Variants in SPHK2 observed in about 807,000 individuals in gnomAD.
SPHK2 encodes sphingosine kinase 2.
A neutral mutation model predicts 32.3 loss-of-function variants in SPHK2; 18 were observed. The ratio of observed to expected loss-of-function variants is 0.56; its 90% CI spans 0.39 to 0.83. The LOEUF (loss-of-function observed/expected upper bound fraction) is 0.83. Ranked by LOEUF, SPHK2 falls within the 40% of genes least tolerant of loss-of-function variation. The probability of loss-of-function intolerance (pLI) is 0.00; values close to 1 mark genes in which losing one functional copy is unlikely to be tolerated. For missense variants in SPHK2, 850 were observed against 908.7 expected (o/e 0.94, Z 0.83); for synonymous variants, 462 against 417.6 (o/e 1.11, Z -1.30).
At chr19:48,625,009 G>C in intron 2 of SPHK2, 4 of 987,924 alleles carry the variant, frequency 4.0e-6, no homozygotes, top group Non-Finnish European at 4.8e-6. Context: ...CAGGGAGAGG[G>C]CCTGTGGGGA....
chr19:48,620,309 G>C, intron 1 of SPHK2, 93 bp from the exon 2 acceptor site: 1 of 527,128 alleles, frequency 1.9e-6, no homozygotes, highest in Non-Finnish European at 3.4e-6. Context: ...CGCCAGGGAG[G>C]CCCCTGCCTC....
In SPHK2 at chr19:48,629,318, CCT is replaced by C. The variant is rs1435770206; in HGVS notation, c.1511_1512del (p.Pro504ArgfsTer48). The part of the protein sequence containing the change: ...PPSSGLPLPT[P>X]DARVGASTCG... ...ATCCTCTGGGCTCCCACTTCCCACC[CCT>C]GATGCCCGGGTAGGGGCCTCCACCT... On this transcript the variant is annotated frameshift_variant, in exon 7 of 7. Coordinates refer to ENST00000245222, the MANE Select transcript of SPHK2 (RefSeq NM_020126.5). LOFTEE classifies it low-confidence loss of function (END_TRUNC). 1 of 1,613,326 alleles carries C rather than the reference CCT, an allele frequency of 6.2e-7. No homozygotes were observed. Among genetic ancestry groups the C allele is most frequent in the Non-Finnish European group, 8.5e-7 (1 of 1,179,964 alleles).
chr19:48,630,290 CG>C lies in SPHK2; in HGVS notation c.*520del, dbSNP rs939766833. The C allele has an allele frequency of 2.5e-5, 32 of 1,287,118 alleles. No homozygotes were observed. The highest frequency in any genetic ancestry group is 2.3e-4 in the Admixed American group (6 of 26,498). 79.7% of individuals were successfully genotyped at this position (1,287,118 alleles called of 1,614,324 possible). A position where few individuals can be genotyped will look rare whatever the true frequency, so the allele number is the denominator to read the frequency against. ...ATTTGCACTAATGTTCCTCTCCCCG[CG>C]GGTGGGGGCGGGGAAATTCATATCC... On this transcript the variant is annotated 3_prime_UTR_variant, in exon 7 of 7. Coordinates refer to ENST00000245222, the MANE Select transcript of SPHK2 (RefSeq NM_020126.5). This position sits in a 1 kb window ranked among gnomAD's most constrained non-coding sequence, Gnocchi z 4.9.
rs993584947 is a variant in SPHK2 at position 48,628,299 on chromosome 19, G to C, written c.872+22G>C. On this transcript the variant is annotated intron_variant, in intron 6 of 6. Coordinates refer to ENST00000245222, the MANE Select transcript of SPHK2 (RefSeq NM_020126.5). The surrounding 1 kb of genome is among the most constrained non-coding windows in gnomAD (Gnocchi z 5.2). Reference sequence around the variant, plus strand: ...GGGGGTAGGTTGAGGATACCACGAAGGGAGGGATGAGCCCCTCCTGGGGTG... The same window carrying C: ...GGGGGTAGGTTGAGGATACCACGAACGGAGGGATGAGCCCCTCCTGGGGTG... 4.4e-6 allele frequency: 7 copies of C among 1,604,542 alleles called. No individual in the cohort carries two copies. The highest frequency in any genetic ancestry group is 6.0e-6 in the Non-Finnish European group (7 of 1,172,986).
intron 1 of SPHK2, 107 bp from the exon 2 acceptor site, chr19:48,620,295 C>G (rs1175328747): frequency 3.8e-6 from 2 of 524,436 alleles, no homozygotes; most frequent in South Asian, 2.8e-5. Flanking sequence ...CTCTTCCCCC[C>G]ACCCGCCAGG....
rs1568433251 is a variant in SPHK2 at position 48,628,054 on chromosome 19, CG to C, written c.744del (p.Leu249CysfsTer6). The C allele has an allele frequency of 6.3e-7, 1 of 1,591,422 alleles. No homozygotes were observed. The highest frequency in any genetic ancestry group is 1.7e-5 in the Admixed American group (1 of 58,112). On this transcript the variant is annotated frameshift_variant, in exon 5 of 7. Transcript: ENST00000245222. LOFTEE classifies it high-confidence loss of function. The surrounding 1 kb of genome is among the most constrained non-coding windows in gnomAD (Gnocchi z 5.2). ...ATGGCATCGTCACGGTCTCGGGAGACGGGCTGCTCCATGAGGTAGAGCAGGA... is the reference window on the plus strand; with the variant it reads ...ATGGCATCGTCACGGTCTCGGGAGACGGCTGCTCCATGAGGTAGAGCAGGA... ...WDGIVTVSGDGLLHEVLNGLL... is the reference protein window; with the variant it reads ...WDGIVTVSGDXLLHEVLNGLL...
rs2030446139 is a variant in SPHK2 at position 48,629,900 on chromosome 19, C to T, written c.*127C>T. ...GGGCCCTGGCCCCGTCTCAGGATTG[C>T]GCTCGCTTTCATGGGACCAGACGTG... On this transcript the variant is annotated 3_prime_UTR_variant, in exon 7 of 7. Transcript: ENST00000245222. The T allele has an allele frequency of 7.0e-7, 1 of 1,438,552 alleles. No homozygotes were observed. The allele number at this position is 1,438,552 out of a possible 1,614,324, so 89.1% of individuals were successfully genotyped here. A position where few individuals can be genotyped will look rare whatever the true frequency, so the allele number is the denominator to read the frequency against.
Position 48,628,355 on chromosome 19 carries a change from A to T in SPHK2, c.872+78A>T. On this transcript the variant is annotated intron_variant, in intron 6 of 6. Coordinates refer to ENST00000245222, the MANE Select transcript of SPHK2 (RefSeq NM_020126.5). The surrounding 1 kb of genome is among the most constrained non-coding windows in gnomAD (Gnocchi z 5.2). ...GACCCCTATATCTCCCACTCAGCCA[A>T]ACCCACAGTCAGTCAAGTAAATCAG... 7.4e-7 allele frequency: 1 copy of T among 1,352,864 alleles called. No individual in the cohort carries two copies. Among genetic ancestry groups the T allele is most frequent in the Non-Finnish European group, 1.1e-6 (1 of 951,894 alleles). The allele number at this position is 1,352,864 out of a possible 1,614,324, so 83.8% of individuals were successfully genotyped here. A position where few individuals can be genotyped will look rare whatever the true frequency, so the allele number is the denominator to read the frequency against.
Position 48,630,201 on chromosome 19 carries a change from C to T in SPHK2, c.*428C>T, listed in dbSNP as rs955341357. ...GCCCGCAGCCTCGCCCCATCCACTC[C>T]GGTGCCTCCATTTAGCTGGCCAATC... On this transcript the variant is annotated 3_prime_UTR_variant, in exon 7 of 7. Coordinates refer to ENST00000245222, the MANE Select transcript of SPHK2 (RefSeq NM_020126.5). This position sits in a 1 kb window ranked among gnomAD's most constrained non-coding sequence, Gnocchi z 4.9. 1.4e-5 allele frequency: 17 copies of T among 1,254,786 alleles called. No homozygotes were observed. Among genetic ancestry groups the T allele is most frequent in the Middle Eastern group, 3.1e-4 (1 of 3,248 alleles). The allele number at this position is 1,254,786 out of a possible 1,614,324, so 77.7% of individuals were successfully genotyped here. A position where few individuals can be genotyped will look rare whatever the true frequency, so the allele number is the denominator to read the frequency against.
chr19:48,630,024 C>T lies in SPHK2; in HGVS notation c.*251C>T. On this transcript the variant is annotated 3_prime_UTR_variant, in exon 7 of 7. Transcript: ENST00000245222. This position sits in a 1 kb window ranked among gnomAD's most constrained non-coding sequence, Gnocchi z 4.9. ...GCGGGGCCTGGCGTCTGATCTGGGGCCGCCCTTACGGGGCAGGGCTCAGTC... is the reference window on the plus strand; with the variant it reads ...GCGGGGCCTGGCGTCTGATCTGGGGTCGCCCTTACGGGGCAGGGCTCAGTC... 7.4e-7 allele frequency: 1 copy of T among 1,349,458 alleles called. No individual in the cohort carries two copies. The highest frequency in any genetic ancestry group is 9.5e-7 in the Non-Finnish European group (1 of 1,053,256). The allele number at this position is 1,349,458 out of a possible 1,614,324, so 83.6% of individuals were successfully genotyped here. A position where few individuals can be genotyped will look rare whatever the true frequency, so the allele number is the denominator to read the frequency against.
At chr19:48,620,261 G>A (rs1349071077) in intron 1 of SPHK2, 141 bp from the exon 2 acceptor site, 1 of 489,562 alleles carries the variant, frequency 2.0e-6, no homozygotes, top group Non-Finnish European at 3.6e-6. Flanking sequence ...ACTGGCTGGG[G>A]CAGTGATTAA....
chr19:48,626,229 G>A lies in SPHK2; in HGVS notation c.378G>A (p.Gly126=), dbSNP rs61748787. The A allele has an allele frequency of 0.061, 97,756 of 1,594,752 alleles. 3,331 individuals carry two copies. The highest frequency in any genetic ancestry group is 0.07 in the Non-Finnish European group (82,942 of 1,176,708). Reference sequence around the variant, plus strand: ...ACACCTACCCTCGGGGCCGGCGCGGGGCCCGGCGCAGAGCCACTCGCACCT... The same window carrying A: ...ACACCTACCCTCGGGGCCGGCGCGGAGCCCGGCGCAGAGCCACTCGCACCT... ...CIYTYPRGRR[G]ARRRATRTFR... is the part of the protein sequence containing the mutation. The change falls in exon 3 of 7, where the codon GGG becomes GGA. Residue 126 remains glycine, a synonymous_variant. Coordinates refer to ENST00000245222, the MANE Select transcript of SPHK2 (RefSeq NM_020126.5).
intron 2 of SPHK2, among the ~76,000 whole-genome samples, chr19:48,622,982 C>T (rs529020364): frequency 2.6e-5 from 4 of 151,344 alleles, no homozygotes; most frequent in Non-Finnish European, 5.9e-5. Context: ...AGGTGGCTCA[C>T]GCCTGTAATC....
Position 48,627,769 on chromosome 19 carries a change from T to C in SPHK2, c.589T>C (p.Trp197Arg). 6.2e-7 allele frequency: 1 copy of C among 1,613,974 alleles called. No homozygotes were observed. Among genetic ancestry groups the C allele is most frequent in the South Asian group, 1.1e-5 (1 of 91,056 alleles). ...VNPFGGRGLA[W>R]QWCKNHVLPM... ...TCCCTTTGGGGGTCGGGGCCTGGCC[T>C]GGCAGTGGTGTAAGAACCACGTGCT... The change falls in exon 4 of 7, where the codon TGG (tryptophan) becomes CGG (arginine). Residue 197 changes from tryptophan (W) to arginine (R), a missense_variant. Physicochemically the swap from Trp to Arg is moderately radical, Grantham distance 101. Transcript: ENST00000245222.
At position 48,629,625 on chromosome 19, in the gene SPHK2, G is replaced by A. The variant is rs1404098423; in HGVS notation, c.1817G>A (p.Arg606His). 17 of 1,599,500 alleles carry A rather than the reference G, an allele frequency of 1.1e-5. No homozygotes were observed. Among genetic ancestry groups the A allele is most frequent in the South Asian group, 5.6e-5 (5 of 89,310 alleles). ...GCPQLGYAAA[R>H]AFRLEPLTPR... ...CCGCAGCTGGGCTACGCCGCGGCCC[G>A]TGCCTTCCGCCTAGAGCCGCTCACA... The change falls in exon 7 of 7, where the codon CGT becomes CAT. Residue 606 changes from arginine to histidine, a missense_variant. Arg to His is a conservative substitution (Grantham distance 29). Around this residue, in one of 2 missense-constraint regions of SPHK2, gnomAD observed 306 missense variants for 268.6 expected, o/e 1.14. Transcript: ENST00000245222.
rs771488192 is a variant in SPHK2 at position 48,625,869 on chromosome 19, C to G, written c.40-22C>G. 1.9e-6 allele frequency: 3 copies of G among 1,607,914 alleles called. No individual in the cohort carries two copies. The South Asian group carries it at 3.3e-5, about 18-fold the overall frequency. ...GCCATGGGGTCCTGAATTCTCACCC[C>G]TTCTCTCCTCCCTTCCCACAGAGGC... On this transcript the variant is annotated intron_variant, in intron 2 of 6. Transcript: ENST00000245222.
At chr19:48,622,035 C>T (rs555537015) in intron 2 of SPHK2, among the ~76,000 whole-genome samples, 1 of 152,142 alleles carries the variant, frequency 6.6e-6, no homozygotes, top group South Asian at 2.1e-4. Flanking sequence ...ATGGGCGGAT[C>T]ACGAGGTCAG....
Position 48,628,790 on chromosome 19 carries a change from C to A in SPHK2, c.982C>A (p.Arg328Ser), listed in dbSNP as rs769178157. 1.2e-6 allele frequency: 2 copies of A among 1,613,466 alleles called. No individual in the cohort carries two copies. Among genetic ancestry groups the A allele is most frequent in the East Asian group, 2.2e-5 (1 of 44,892 alleles). The change falls in exon 7 of 7, where the codon CGC becomes AGC. Residue 328 changes from arginine (R) to serine (S), a missense_variant. Arg to Ser is a moderately radical substitution (Grantham distance 110, BLOSUM62 -1). This residue lies in a region of SPHK2 where 544 missense variants were observed against 640.0 expected (regional missense o/e 0.85). Coordinates refer to ENST00000245222, the MANE Select transcript of SPHK2 (RefSeq NM_020126.5). The surrounding 1 kb of genome is among the most constrained non-coding windows in gnomAD (Gnocchi z 5.2). ...LLSVTLASGS[R>S]CFSFLSVAWG... ...CTCCGTGACGCTGGCCTCGGGCTCC[C>A]GCTGTTTCTCCTTCCTGTCTGTGGC... is the stretch of plus-strand genomic sequence containing the variant.
At position 48,626,175 on chromosome 19, in the gene SPHK2, C is replaced by T. The variant is rs1008511171; in HGVS notation, c.324C>T (p.Pro108=). The change falls in exon 3 of 7, where the codon CCC becomes CCT. Residue 108 remains proline (P), a synonymous_variant. Coordinates refer to ENST00000245222, the MANE Select transcript of SPHK2 (RefSeq NM_020126.5). ...GCTGCACCCTGCGAAGCCGCAGCCCCTCAGACTCAGCGGCCTACTTCTGCA... is the reference window on the plus strand; with the variant it reads ...GCTGCACCCTGCGAAGCCGCAGCCCTTCAGACTCAGCGGCCTACTTCTGCA... The part of the protein sequence containing the change: ...SGCCTLRSRS[P]SDSAAYFCIY... 1.3e-6 allele frequency: 2 copies of T among 1,595,536 alleles called. No homozygotes were observed. The highest frequency in any genetic ancestry group is 8.5e-7 in the Non-Finnish European group (1 of 1,171,984).
Sources: gnomAD v4.1 joint callset for allele counts (sites outside exome capture counted in the v4.1 genomes callset) on GRCh38, gnomAD v4.1.1 for gene constraint, gnomAD v4.1.1 regional missense constraint, Gnocchi (gnomAD v3.1) non-coding constraint, MANE v1.5 for transcripts, NCBI Gene and HGNC (gene_info 2026-07-23, HGNC 2026-07-21) for gene names.